Variants in SUSD6 observed in about 807,000 individuals in gnomAD.
SUSD6 encodes the protein sushi domain-containing protein 6.
A neutral mutation model predicts 28.4 loss-of-function variants in SUSD6; 16 were observed. That is an observed-to-expected ratio of 0.56 (90% CI 0.38 to 0.86). The LOEUF is 0.86. Ranked by LOEUF, SUSD6 falls within the 40% of genes least tolerant of loss-of-function variation. The pLI is 0.00. For synonymous variants in SUSD6, 147 were observed against 159.6 expected (o/e 0.92, Z 0.59); for missense variants, 341 against 384.2 (o/e 0.89, Z 0.94).
At chr14:69,674,978 C>T (rs1885885999) in intron 2 of SUSD6, among the ~76,000 whole-genome samples, 1 of 152,110 alleles carries the variant, frequency 6.6e-6, no homozygotes, top group Admixed American at 6.5e-5. Flanking sequence ...TCATTAATTT[C>T]CTCCCTTCTG....
At chr14:69,668,989 G>A (rs966025952) in intron 2 of SUSD6, among the ~76,000 whole-genome samples, 1 of 150,060 alleles carries the variant, frequency 6.7e-6, no homozygotes, top group Non-Finnish European at 1.5e-5. Context: ...TTGCAGAACC[G>A]TGAGCCAGTT....
At chr14:69,648,245 G>A (rs1885456039) in intron 1 of SUSD6, among the ~76,000 whole-genome samples, 1 of 152,184 alleles carries the variant, frequency 6.6e-6, no homozygotes, top group Non-Finnish European at 1.5e-5. Context: ...AAAGGAAATA[G>A]AGGTCCGGAA....
Position 69,656,001 on chromosome 14 carries a change from C to T in SUSD6, c.-80-2512C>T, listed in dbSNP as rs1023395049. Among the ~76,000 whole-genome samples the T allele has an allele frequency of 2.6e-5, 4 of 152,038 alleles. No individual in the cohort carries two copies. The East Asian group carries it at 5.8e-4, about 22-fold the overall frequency. Reference sequence around the variant, plus strand: ...TAAAGTTTAAACCCCTCTGCTTAGCCCCTGCCTCCAGCCTCTGCCAGGAGT... The same window carrying T: ...TAAAGTTTAAACCCCTCTGCTTAGCTCCTGCCTCCAGCCTCTGCCAGGAGT... On this transcript the variant is annotated intron_variant, in intron 1 of 5. Coordinates refer to ENST00000342745, the MANE Select transcript of SUSD6 (RefSeq NM_014734.4).
At chr14:69,650,385 G>A (rs781521345) in intron 1 of SUSD6, among the ~76,000 whole-genome samples, 1 of 152,172 alleles carries the variant, frequency 6.6e-6, no homozygotes, top group African/African-American at 2.4e-5. Flanking sequence ...GACGGCGACT[G>A]TACCTAGACC....
intron 1 of SUSD6, among the ~76,000 whole-genome samples, chr14:69,628,228 C>T (rs762928474): frequency 1.3e-5 from 2 of 152,182 alleles, no homozygotes; most frequent in Non-Finnish European, 2.9e-5. Flanking sequence ...CCACTGCTCT[C>T]GGCCCCAAAG....
intron 1 of SUSD6, among the ~76,000 whole-genome samples, chr14:69,646,584 A>G (rs1228587353): frequency 1.3e-5 from 2 of 152,010 alleles, no homozygotes. Context: ...TCTGAATGAA[A>G]TTCATTATGT....
At chr14:69,629,416 A>C (rs576589891) in intron 1 of SUSD6, among the ~76,000 whole-genome samples, 1 of 152,206 alleles carries the variant, frequency 6.6e-6, no homozygotes, top group South Asian at 2.1e-4. Flanking sequence ...CAGCTCCCAT[A>C]TCAGTCAGCA....
intron 2 of SUSD6, among the ~76,000 whole-genome samples, chr14:69,660,015 A>G (rs1005392611): frequency 6.6e-6 from 1 of 152,132 alleles, no homozygotes; most frequent in Non-Finnish European, 1.5e-5. Context: ...ACTCACCAAT[A>G]CTGGTGTTCC....
chr14:69,635,595 C>CCACACACACACACA (rs3048696), intron 1 of SUSD6, among the ~76,000 whole-genome samples: 104 of 143,612 alleles, frequency 7.2e-4, no homozygotes, highest in Non-Finnish European at 1.1e-3. Flanking sequence ...CCAAGGCACA[C>CCACACACACACACA]CACACACACA....
chr14:69,621,685 T>G (rs570910240), intron 1 of SUSD6, among the ~76,000 whole-genome samples: 1 of 152,354 alleles, frequency 6.6e-6, no homozygotes, highest in East Asian at 1.9e-4. Context: ...ATATATTTAG[T>G]ATCCAGTGTG....
In SUSD6 at chr14:69,711,125, T is replaced by C. The variant is rs1594726760; in HGVS notation, c.*146T>C. On this transcript the variant is annotated 3_prime_UTR_variant, in exon 6 of 6. Coordinates refer to ENST00000342745, the MANE Select transcript of SUSD6 (RefSeq NM_014734.4). The stretch of plus-strand genomic sequence containing the variant: ...TATCTGTGTATCTCTGAGGGCCCTA[T>C]AGGCCCACCTTGCTGGAAACTCAAG... 1 of 717,030 alleles carries C rather than the reference T, an allele frequency of 1.4e-6. No individual in the cohort carries two copies. Among genetic ancestry groups the C allele is most frequent in the Non-Finnish European group, 2.4e-6 (1 of 414,664 alleles). The allele number at this position is 717,030 out of a possible 1,614,324, so 44.4% of individuals were successfully genotyped here. A position where few individuals can be genotyped will look rare whatever the true frequency, so the allele number is the denominator to read the frequency against.
chr14:69,637,961 C>A (rs1362470108), intron 1 of SUSD6, among the ~76,000 whole-genome samples: 2 of 152,106 alleles, frequency 1.3e-5, no homozygotes, highest in Non-Finnish European at 2.9e-5. Context: ...TCATCCAGGT[C>A]TTGGTTTTGT....
intron 1 of SUSD6, among the ~76,000 whole-genome samples, chr14:69,657,581 G>A (rs1455548368): frequency 6.6e-6 from 1 of 152,060 alleles, no homozygotes; most frequent in Non-Finnish European, 1.5e-5. Context: ...AGAAGGGGGT[G>A]TGTGTGTGTA....
chr14:69,657,578 G>T (rs764392718), intron 1 of SUSD6, among the ~76,000 whole-genome samples: 43 of 151,868 alleles, frequency 2.8e-4, no homozygotes, highest in African/African-American at 9.0e-4. Context: ...TGGAGAAGGG[G>T]GTGTGTGTGT....
At chr14:69,634,595 C>T (rs1484802338) in intron 1 of SUSD6, among the ~76,000 whole-genome samples, 4 of 152,342 alleles carry the variant, frequency 2.6e-5, no homozygotes, top group Admixed American at 2.0e-4. Context: ...ACGGTTTCAG[C>T]CAGCTAAATT....
At chr14:69,622,699 T>G (rs2139592208) in intron 1 of SUSD6, among the ~76,000 whole-genome samples, 1 of 152,276 alleles carries the variant, frequency 6.6e-6, no homozygotes, top group East Asian at 1.9e-4. Context: ...GTTCGAGCGA[T>G]TCTCCTGCCT....
intron 1 of SUSD6, among the ~76,000 whole-genome samples, chr14:69,629,352 A>T (rs1467892659): frequency 2.0e-5 from 3 of 152,154 alleles, no homozygotes; most frequent in African/African-American, 7.2e-5. Flanking sequence ...GGGCCCCCAC[A>T]GGAAGCCTTT....
At chr14:69,656,114 C>G (rs1202203881) in intron 1 of SUSD6, among the ~76,000 whole-genome samples, 3 of 149,214 alleles carry the variant, frequency 2.0e-5, no homozygotes, top group Non-Finnish European at 4.5e-5. Context: ...CTTTCCCTTC[C>G]TCTTCCTCTT....
At chr14:69,674,253 C>T (rs1743379) in intron 2 of SUSD6, among the ~76,000 whole-genome samples, 13,208 of 152,192 alleles carry the variant, frequency 0.087, 776 homozygotes, top group East Asian at 0.12. Flanking sequence ...GATTGTTATT[C>T]GACATTCCCC....
Sources: gnomAD v4.1 joint callset for allele counts (sites outside exome capture counted in the v4.1 genomes callset) on GRCh38, gnomAD v4.1.1 for gene constraint, MANE v1.5 for transcripts, NCBI Gene and HGNC (gene_info 2026-07-23, HGNC 2026-07-21) for gene names.